The following TMEM135 variants were observed in gnomAD, a reference collection of about 807,000 sequenced individuals.
The protein encoded by TMEM135 is peroxisomal membrane protein 52.
In TMEM135, 30 loss-of-function variants were observed where a neutral mutation model predicts 60.3. The ratio of observed to expected loss-of-function variants is 0.50; its 90% CI spans 0.37 to 0.68. The LOEUF (loss-of-function observed/expected upper bound fraction) is 0.68, where lower values mean the gene tolerates loss of function less well. TMEM135 is among the 30% of genes least tolerant of loss of function. TMEM135 has a pLI of 0.00. For missense variants in TMEM135, 468 were observed against 548.8 expected (o/e 0.85, Z 1.47); for synonymous variants, 190 against 186.7 (o/e 1.02, Z -0.14).
At chr11:87,232,327 G>C (rs1169027640) in intron 5 of TMEM135, among the ~76,000 whole-genome samples, 1 of 151,932 alleles carries the variant, frequency 6.6e-6, no homozygotes, top group East Asian at 1.9e-4. Context: ...TCATGTAGTT[G>C]GAGTTCTTGA....
At chr11:87,127,099 T>G (rs2135225620) in intron 4 of TMEM135, among the ~76,000 whole-genome samples, 1 of 152,352 alleles carries the variant, frequency 6.6e-6, no homozygotes, top group East Asian at 1.9e-4. Flanking sequence ...CCTGTTTACT[T>G]TGTTAAAACC....
At chr11:87,181,035 A>G (rs1377917488) in intron 5 of TMEM135, among the ~76,000 whole-genome samples, 1 of 152,222 alleles carries the variant, frequency 6.6e-6, no homozygotes, top group Admixed American at 6.5e-5. Context: ...TAGAGCAGCT[A>G]TTATAACTCT....
At position 87,148,002 on chromosome 11, in the gene TMEM135, C is replaced by T. The variant is rs570283562; in HGVS notation, c.397-9339C>T. On this transcript the variant is annotated intron_variant, in intron 4 of 14. Coordinates refer to ENST00000305494, the MANE Select transcript of TMEM135 (RefSeq NM_022918.4). The stretch of plus-strand genomic sequence containing the variant: ...TGAACTCCTGACCTTGAGATCTGCC[C>T]GCTTCAGTCTCCCAAAGTGCTGGGA... Among the ~76,000 whole-genome samples the T allele has an allele frequency of 6.0e-4, 91 of 152,264 alleles. No homozygotes were observed. The South Asian group carries it at 0.01, about 17-fold the overall frequency.
intron 4 of TMEM135, among the ~76,000 whole-genome samples, chr11:87,098,341 A>C (rs995567913): frequency 1.3e-5 from 2 of 152,104 alleles, no homozygotes; most frequent in African/African-American, 4.8e-5. Context: ...GTTGGTGCAA[A>C]AGTAATGGTG....
intron 4 of TMEM135, among the ~76,000 whole-genome samples, chr11:87,108,356 G>A (rs1176997322): frequency 6.6e-6 from 1 of 152,076 alleles, no homozygotes; most frequent in East Asian, 1.9e-4. Context: ...GTCCTGAATG[G>A]TATTGCCTAG....
intron 5 of TMEM135, among the ~76,000 whole-genome samples, chr11:87,221,309 A>G (rs939706142): frequency 1.3e-5 from 2 of 152,172 alleles, no homozygotes; most frequent in African/African-American, 4.8e-5. Context: ...TCAGATTTTT[A>G]TAGTATATTA....
intron 6 of TMEM135, among the ~76,000 whole-genome samples, chr11:87,254,884 T>C (rs1941490304): frequency 6.6e-6 from 1 of 152,078 alleles, no homozygotes; most frequent in Admixed American, 6.5e-5. Flanking sequence ...CTCATTCCTG[T>C]AATTCCAGCA....
At chr11:87,217,268 T>C (rs540026337) in intron 5 of TMEM135, among the ~76,000 whole-genome samples, 44 of 152,272 alleles carry the variant, frequency 2.9e-4, no homozygotes, top group African/African-American at 9.6e-4. Flanking sequence ...TCCTTGACCA[T>C]TGGGTATACA....
At chr11:87,115,594 G>A (rs142069808) in intron 4 of TMEM135, among the ~76,000 whole-genome samples, 1 of 152,138 alleles carries the variant, frequency 6.6e-6, no homozygotes, top group Non-Finnish European at 1.5e-5. Flanking sequence ...AATTGGCATA[G>A]ACTTTTCTAT....
At chr11:87,266,346 A>G (rs1331024284) in intron 6 of TMEM135, among the ~76,000 whole-genome samples, 2 of 152,198 alleles carry the variant, frequency 1.3e-5, no homozygotes, top group Non-Finnish European at 2.9e-5. Context: ...AATTTCATCT[A>G]TCAAAGGACT....
intron 1 of TMEM135, among the ~76,000 whole-genome samples, chr11:87,039,939 C>T (rs1247330384): frequency 3.9e-5 from 6 of 152,168 alleles, no homozygotes; most frequent in African/African-American, 1.4e-4. Flanking sequence ...CATAGGTTCT[C>T]CTACTCCAAC....
At chr11:87,062,937 AATTGT>A (rs1251143286) in intron 1 of TMEM135, among the ~76,000 whole-genome samples, 1 of 152,210 alleles carries the variant, frequency 6.6e-6, no homozygotes, top group East Asian at 1.9e-4. Context: ...AAAATCTGTT[AATTGT>A]ATTGTATTAT....
intron 6 of TMEM135, among the ~76,000 whole-genome samples, chr11:87,250,866 A>G (rs1037200855): frequency 6.6e-6 from 1 of 152,172 alleles, no homozygotes; most frequent in Non-Finnish European, 1.5e-5. Context: ...CAGAGAGTGA[A>G]TTTGGGATTT....
chr11:87,228,002 A>G (rs1473874004), intron 5 of TMEM135, among the ~76,000 whole-genome samples: 1 of 152,228 alleles, frequency 6.6e-6, no homozygotes, highest in Non-Finnish European at 1.5e-5. Context: ...TGTTCTAAGT[A>G]AGTAAGAGTT....
At chr11:87,238,032 A>G (rs1941040975) in intron 6 of TMEM135, among the ~76,000 whole-genome samples, 1 of 151,960 alleles carries the variant, frequency 6.6e-6, no homozygotes, top group Admixed American at 6.6e-5. Flanking sequence ...TCCATTGTAT[A>G]TTATGTACCA....
intron 4 of TMEM135, among the ~76,000 whole-genome samples, chr11:87,120,107 C>CT (rs1565449165): frequency 7.1e-5 from 6 of 84,948 alleles, no homozygotes; most frequent in African/African-American, 2.6e-4. Flanking sequence ...CTGTTTTTTT[C>CT]TTCTTCTTCT....
At chr11:87,122,151 A>G (rs1477884667) in intron 4 of TMEM135, among the ~76,000 whole-genome samples, 2 of 152,152 alleles carry the variant, frequency 1.3e-5, no homozygotes, top group East Asian at 1.9e-4. Flanking sequence ...TCTCTGCTAG[A>G]TATTTTCTGC....
At chr11:87,239,413 C>T (rs1247402798) in intron 6 of TMEM135, among the ~76,000 whole-genome samples, 1 of 151,982 alleles carries the variant, frequency 6.6e-6, no homozygotes, top group African/African-American at 2.4e-5. Flanking sequence ...TGTATGCTAG[C>T]TTGTGTTGGG....
chr11:87,232,842 A>C (rs1286577768), intron 5 of TMEM135, among the ~76,000 whole-genome samples: 1 of 152,116 alleles, frequency 6.6e-6, no homozygotes, highest in Non-Finnish European at 1.5e-5. Context: ...AAAGGGAATA[A>C]AATGGAATTA....
Sources: gnomAD v4.1 joint callset for allele counts (sites outside exome capture counted in the v4.1 genomes callset) on GRCh38, gnomAD v4.1.1 for gene constraint, MANE v1.5 for transcripts, NCBI Gene and HGNC (gene_info 2026-07-23, HGNC 2026-07-21) for gene names.